Variants in KCNMB2 observed in about 807,000 individuals in gnomAD.
KCNMB2 encodes the protein calcium-activated potassium channel subunit beta-2.
A neutral mutation model predicts 24.5 loss-of-function variants in KCNMB2; 9 were observed. The ratio of observed to expected loss-of-function variants is 0.37; its 90% confidence interval spans 0.22 to 0.64. The LOEUF (loss-of-function observed/expected upper bound fraction) is 0.64, where lower values mean the gene tolerates loss of function less well. KCNMB2 is among the 30% of genes least tolerant of loss of function. KCNMB2 has a pLI of 0.63. For synonymous variants in KCNMB2, 109 were observed against 104.4 expected (o/e 1.04, Z -0.27); for missense variants, 226 against 284.3 (o/e 0.79, Z 1.47).
Position 178,825,891 on chromosome 3 carries a change from T to C in KCNMB2, c.227+133T>C, listed in dbSNP as rs1714815207. 6.4e-6 allele frequency: 4 copies of C among 621,758 alleles called. No homozygotes were observed. In the South Asian group the frequency reaches 1.0e-4, roughly 15 times the overall value. 38.5% of individuals were successfully genotyped at this position (621,758 alleles called of 1,614,324 possible). A position where few individuals can be genotyped will look rare whatever the true frequency, so the allele number is the denominator to read the frequency against. On this transcript the variant is annotated intron_variant, in intron 3 of 4. Transcript: ENST00000452583. Reference sequence around the variant, plus strand: ...ACTTTGAGAAGTTCCTGGTAAATAATACTTTTCAATAATGTTATCTAATAA... The same window carrying C: ...ACTTTGAGAAGTTCCTGGTAAATAACACTTTTCAATAATGTTATCTAATAA...
chr3:178,629,482 G>T (rs902020303), intron 1 of KCNMB2, among the ~76,000 whole-genome samples: 8 of 152,116 alleles, frequency 5.3e-5, no homozygotes, highest in African/African-American at 1.9e-4. Context: ...CTTGGTTGGG[G>T]TGAGAATGGG....
intron 1 of KCNMB2, among the ~76,000 whole-genome samples, chr3:178,613,372 CG>C (rs1247629968): frequency 6.6e-6 from 1 of 152,182 alleles, no homozygotes; most frequent in Non-Finnish European, 1.5e-5. Flanking sequence ...CCTTTACACA[CG>C]GTTACAGTGT....
chr3:178,792,704 T>C (rs905256258), intron 1 of KCNMB2, among the ~76,000 whole-genome samples: 12 of 152,272 alleles, frequency 7.9e-5, no homozygotes, highest in African/African-American at 2.9e-4. Flanking sequence ...ACACATAGGC[T>C]AAAGACAAAG....
intron 1 of KCNMB2, among the ~76,000 whole-genome samples, chr3:178,731,166 T>C (rs575799123): frequency 1.3e-5 from 2 of 152,148 alleles, no homozygotes; most frequent in African/African-American, 2.4e-5. Context: ...CCTATATGAA[T>C]AGCCTCCTAC....
At chr3:178,839,402 A>G (rs557998172) in intron 4 of KCNMB2, among the ~76,000 whole-genome samples, 12 of 152,348 alleles carry the variant, frequency 7.9e-5, no homozygotes, top group African/African-American at 2.9e-4. Context: ...GAACAGGAAG[A>G]GGAACAGAGA....
chr3:178,735,689 C>T (rs1723292626), intron 1 of KCNMB2, among the ~76,000 whole-genome samples: 1 of 152,122 alleles, frequency 6.6e-6, no homozygotes, highest in Non-Finnish European at 1.5e-5. Flanking sequence ...ATATGCATAC[C>T]AGGCTTAGTA....
rs968117104 is a variant in KCNMB2 at position 178,843,391 on chromosome 3, A to T, written c.*454A>T. 1 of 238,018 alleles carries T rather than the reference A, an allele frequency of 4.2e-6. No individual in the cohort carries two copies. Among genetic ancestry groups the T allele is most frequent in the African/African-American group, 2.3e-5 (1 of 43,000 alleles). 14.7% of individuals were successfully genotyped at this position (238,018 alleles called of 1,614,324 possible). On this transcript the variant is annotated 3_prime_UTR_variant, in exon 5 of 5. Transcript: ENST00000452583. ...CTAAACTGAGCCCTATAGCAAGTGA[A>T]GGGACCAGATTTCCTAATTAAAGGA...
chr3:178,644,499 C>A (rs60413092), intron 1 of KCNMB2, among the ~76,000 whole-genome samples: 13 of 152,328 alleles, frequency 8.5e-5, no homozygotes, highest in African/African-American at 1.2e-4. Context: ...CCTGAGACAC[C>A]TGGAACTCCA....
At chr3:178,573,183 A>G (rs914901018) in intron 1 of KCNMB2, among the ~76,000 whole-genome samples, 2 of 151,758 alleles carry the variant, frequency 1.3e-5, no homozygotes, top group African/African-American at 2.4e-5. Flanking sequence ...AAATTTTTGT[A>G]TTTTTAGTAG....
At chr3:178,711,606 G>C (rs776453312) in intron 1 of KCNMB2, among the ~76,000 whole-genome samples, 7 of 150,238 alleles carry the variant, frequency 4.7e-5, no homozygotes, top group Non-Finnish European at 1.0e-4. Flanking sequence ...AGCCAGTAAA[G>C]CCACTTCCTA....
intron 1 of KCNMB2, among the ~76,000 whole-genome samples, chr3:178,625,648 G>A (rs1719090438): frequency 6.6e-6 from 1 of 152,158 alleles, no homozygotes; most frequent in African/African-American, 2.4e-5. Context: ...AAGAAAAGAT[G>A]AGTCAAGGAG....
chr3:178,673,956 A>G (rs1359935001), intron 1 of KCNMB2, among the ~76,000 whole-genome samples: 7 of 152,172 alleles, frequency 4.6e-5, no homozygotes, highest in Non-Finnish European at 8.8e-5. Flanking sequence ...CCACTCTACC[A>G]ATCGTTTTAA....
At chr3:178,586,538 CTTTTTTTTTT>C (rs10677144) in intron 1 of KCNMB2, among the ~76,000 whole-genome samples, 1 of 68,500 alleles carries the variant, frequency 1.5e-5, no homozygotes, top group African/African-American at 5.7e-5. Context: ...TTTTTTCTTT[CTTTTTTTTTT>C]TTTTTTTTTT....
chr3:178,648,028 T>G lies in KCNMB2; in HGVS notation c.-68+111317T>G, dbSNP rs73882831. 5.7e-3 allele frequency among the ~76,000 whole-genome samples: 867 copies of G among 152,250 alleles called. 8 individuals carry two copies. Among genetic ancestry groups the G allele is most frequent in the African/African-American group, 0.02 (819 of 41,562 alleles). Reference sequence around the variant, plus strand: ...TCTTCTGACTTCAAGTGCACAACACTGAATTAATCACATTTCTTAGCTCAT... The same window carrying G: ...TCTTCTGACTTCAAGTGCACAACACGGAATTAATCACATTTCTTAGCTCAT... On this transcript the variant is annotated intron_variant, in intron 1 of 4. Transcript: ENST00000452583.
At chr3:178,743,033 T>C (rs1179207883) in intron 1 of KCNMB2, among the ~76,000 whole-genome samples, 2 of 152,108 alleles carry the variant, frequency 1.3e-5, no homozygotes, top group African/African-American at 4.8e-5. Context: ...CCAAGGCCTG[T>C]GGGCAAAATG....
chr3:178,558,006 G>A lies in KCNMB2; in HGVS notation c.-68+21295G>A, dbSNP rs377742079. Among the ~76,000 whole-genome samples, 30 of 152,222 alleles carry A rather than the reference G, an allele frequency of 2.0e-4. No homozygotes were observed. In the South Asian group the frequency reaches 6.0e-3, roughly 30 times the overall value. On this transcript the variant is annotated intron_variant, in intron 1 of 4. Transcript: ENST00000452583. Reference sequence around the variant, plus strand: ...GTTCCTGGTTAGCAAAATGGCTGTCGTTCTTTTGGGAGGATTAATAAGAAA... The same window carrying A: ...GTTCCTGGTTAGCAAAATGGCTGTCATTCTTTTGGGAGGATTAATAAGAAA...
At chr3:178,757,015 A>C (rs1277013277) in intron 1 of KCNMB2, 3 of 151,566 alleles carry the variant, frequency 2.0e-5, no homozygotes, top group Admixed American at 1.3e-4. Context: ...ATGAAAAAAA[A>C]TTCTTGGAAA....
chr3:178,762,115 G>A (rs1182576397), intron 1 of KCNMB2, among the ~76,000 whole-genome samples: 2 of 152,134 alleles, frequency 1.3e-5, no homozygotes, highest in Admixed American at 6.5e-5. Flanking sequence ...AGCTTGCAGT[G>A]AGCCGAGATC....
At chr3:178,621,549 T>G (rs987513789) in intron 1 of KCNMB2, among the ~76,000 whole-genome samples, 3 of 152,046 alleles carry the variant, frequency 2.0e-5, no homozygotes, top group Non-Finnish European at 4.4e-5. Context: ...TCCAGGACAG[T>G]TTTCATGCCC....
Sources: allele counts gnomAD v4.1 joint callset (sites outside exome capture counted in the v4.1 genomes callset), GRCh38; gene constraint gnomAD v4.1.1; transcripts MANE v1.5; gene names NCBI Gene and HGNC (gene_info 2026-07-23, HGNC 2026-07-21).